Variants in PATJ observed in about 807,000 individuals in gnomAD.
The protein encoded by PATJ is PATJ crumbs cell polarity complex component, also known as inaD-like protein.
PATJ carries 190 observed loss-of-function variants against 224.9 expected under a neutral mutation model. That is an observed-to-expected ratio of 0.84 (90% CI 0.75 to 0.95). The LOEUF (loss-of-function observed/expected upper bound fraction) is 0.95. Ranked by LOEUF, PATJ falls within the 40% of genes least tolerant of loss-of-function variation. The pLI, the probability that PATJ is intolerant of heterozygous loss-of-function variation, is 0.00. For synonymous variants in PATJ, 769 were observed against 820.3 expected, an observed-to-expected ratio of 0.94 and a Z score of 1.07; for missense variants, 2,121 against 2,270.3, an observed-to-expected ratio of 0.93 and a Z score of 1.34.
chr1:61,822,438 AAAAAAAAAG>A (rs1657472565), intron 14 of PATJ, among the ~76,000 whole-genome samples: 1 of 151,404 alleles, frequency 6.6e-6, no homozygotes, highest in Admixed American at 6.6e-5. Context: ...AGAAAAAAAA[AAAAAAAAAG>A]AAAAGAAAAG....
At chr1:61,871,558 T>TATATATA (rs1491327906) in intron 20 of PATJ, among the ~76,000 whole-genome samples, 3 of 12,542 alleles carry the variant, frequency 2.4e-4, no homozygotes, top group African/African-American at 1.0e-3. Context: ...TATATATATA[T>TATATATA]TTTTTTTTTT....
intron 9 of PATJ, among the ~76,000 whole-genome samples, chr1:61,794,498 C>G (rs1650625604): frequency 6.6e-6 from 1 of 152,054 alleles, no homozygotes; most frequent in Admixed American, 6.6e-5. Context: ...TCATGCAGAT[C>G]TATTGTGTTT....
At chr1:61,844,123 A>C (rs1661543447) in intron 17 of PATJ, among the ~76,000 whole-genome samples, 1 of 152,204 alleles carries the variant, frequency 6.6e-6, no homozygotes, top group Non-Finnish European at 1.5e-5. Flanking sequence ...AGCTCTGTAC[A>C]ATATGTTATA....
At chr1:61,951,192 G>GA (rs936828622) in intron 27 of PATJ, among the ~76,000 whole-genome samples, 8 of 148,274 alleles carry the variant, frequency 5.4e-5, no homozygotes, top group African/African-American at 9.8e-5. Context: ...AAAAAAAAAG[G>GA]AAAAAAAAAG....
At chr1:61,795,323 C>A in intron 9 of PATJ, 144 bp from the exon 10 acceptor site, 1 of 474,000 alleles carries the variant, frequency 2.1e-6, no homozygotes, top group Non-Finnish European at 3.8e-6. Flanking sequence ...TGAAATAATC[C>A]ATCAATTTCT....
intron 38 of PATJ, among the ~76,000 whole-genome samples, chr1:62,121,933 A>G (rs1225621646): frequency 2.0e-5 from 3 of 150,530 alleles, no homozygotes; most frequent in Non-Finnish European, 4.4e-5. Context: ...TATACCTTCT[A>G]TGGGAAAATT....
At chr1:61,921,599 G>A (rs1380615611) in intron 26 of PATJ, among the ~76,000 whole-genome samples, 2 of 152,134 alleles carry the variant, frequency 1.3e-5, no homozygotes, top group Admixed American at 1.3e-4. Context: ...ATTTGGGAGG[G>A]TGATATTTTT....
At chr1:62,106,619 T>C (rs986746509) in intron 33 of PATJ, among the ~76,000 whole-genome samples, 1 of 152,116 alleles carries the variant, frequency 6.6e-6, no homozygotes, top group African/African-American at 2.4e-5. Context: ...TGAGGCTCCA[T>C]ACTTCTGGAC....
intron 25 of PATJ, among the ~76,000 whole-genome samples, chr1:61,910,913 T>G (rs1174031791): frequency 6.6e-6 from 1 of 152,186 alleles, no homozygotes; most frequent in Non-Finnish European, 1.5e-5. Flanking sequence ...CTTTGTAAAA[T>G]GGTGCTGTCT....
chr1:61,913,319 C>T (rs1269681849), intron 25 of PATJ, among the ~76,000 whole-genome samples: 3 of 152,182 alleles, frequency 2.0e-5, no homozygotes, highest in South Asian at 4.1e-4. Flanking sequence ...ACTGTAGCCT[C>T]GACCTCAGCC....
chr1:62,156,166 A>C (rs1218967344), intron 43 of PATJ, among the ~76,000 whole-genome samples: 1 of 150,932 alleles, frequency 6.6e-6, no homozygotes, highest in Admixed American at 6.6e-5. Flanking sequence ...ACTTGAGCCC[A>C]GGAGTTCAAG....
intron 37 of PATJ, among the ~76,000 whole-genome samples, chr1:62,120,427 A>G (rs2481683): frequency 0.75 from 114,235 of 152,074 alleles, 43,121 homozygotes; most frequent in East Asian, 0.83. Context: ...ATTTTGATGC[A>G]GAATAATTTG....
chr1:62,098,813 G>T (rs1280068400), intron 33 of PATJ, among the ~76,000 whole-genome samples: 1 of 152,038 alleles, frequency 6.6e-6, no homozygotes, highest in East Asian at 1.9e-4. Flanking sequence ...AATTTTTAAA[G>T]CATTTGGTCA....
At chr1:62,061,619 G>C (rs1466443276) in intron 31 of PATJ, among the ~76,000 whole-genome samples, 2 of 152,128 alleles carry the variant, frequency 1.3e-5, no homozygotes, top group East Asian at 3.9e-4. Flanking sequence ...TGATTTCGTT[G>C]AGTGTTTTTT....
chr1:61,795,115 A>C (rs1292489136), intron 9 of PATJ, among the ~76,000 whole-genome samples: 1 of 151,356 alleles, frequency 6.6e-6, no homozygotes, highest in East Asian at 1.9e-4. Flanking sequence ...AAAAAAAAAA[A>C]AAAAAAAGAA....
intron 26 of PATJ, among the ~76,000 whole-genome samples, chr1:61,923,922 CAA>C (rs535481890): frequency 2.1e-4 from 16 of 77,750 alleles, no homozygotes; most frequent in East Asian, 3.6e-4. Flanking sequence ...AACTCCATCT[CAA>C]AAAAAAAAAA....
At chr1:61,898,594 A>G (rs1056472979) in intron 22 of PATJ, among the ~76,000 whole-genome samples, 2 of 152,110 alleles carry the variant, frequency 1.3e-5, no homozygotes, top group African/African-American at 4.8e-5. Flanking sequence ...TGTATAGAGT[A>G]ATACAATTTA....
chr1:61,963,964 A>G (rs1053207503), intron 27 of PATJ, among the ~76,000 whole-genome samples: 4 of 152,188 alleles, frequency 2.6e-5, no homozygotes, highest in African/African-American at 9.7e-5. Flanking sequence ...TAAAAGCTTT[A>G]GTTGAATGTT....
intron 31 of PATJ, among the ~76,000 whole-genome samples, chr1:62,064,616 C>T (rs766201472): frequency 2.0e-5 from 3 of 152,088 alleles, no homozygotes; most frequent in African/African-American, 4.8e-5. Flanking sequence ...CATGAGCCAC[C>T]GCGCCGGGCC....
Sources: allele counts gnomAD v4.1 joint callset (sites outside exome capture counted in the v4.1 genomes callset), GRCh38; gene constraint gnomAD v4.1.1; transcripts MANE v1.5; gene names NCBI Gene and HGNC (gene_info 2026-07-23, HGNC 2026-07-21).